CSMD1: variants seen among roughly 807,000 people sequenced by gnomAD.
CSMD1 encodes the protein CUB and sushi domain-containing protein 1.
A neutral mutation model predicts 417.5 loss-of-function variants in CSMD1; 213 were observed. That is an observed-to-expected ratio of 0.51 (90% CI 0.46 to 0.57). The LOEUF (loss-of-function observed/expected upper bound fraction) is 0.57. Ranked by LOEUF, CSMD1 falls within the 20% of genes least tolerant of loss-of-function variation. The pLI is 0.00. For synonymous variants in CSMD1, 2,862 were observed against 1,736.8 expected, an observed-to-expected ratio of 1.65 and a Z score of -16.11; for missense variants, 6,923 against 4,529.7, an observed-to-expected ratio of 1.53 and a Z score of -15.17.
chr8:4,304,813 C>T (rs1798158299), intron 3 of CSMD1, among the ~76,000 whole-genome samples: 1 of 152,324 alleles, frequency 6.6e-6, no homozygotes, highest in East Asian at 1.9e-4. Context: ...TGGTGCAGGT[C>T]ATTCAGAAAA....
At chr8:4,522,853 C>A (rs910322877) in intron 2 of CSMD1, among the ~76,000 whole-genome samples, 1 of 152,146 alleles carries the variant, frequency 6.6e-6, no homozygotes, top group South Asian at 2.1e-4. Flanking sequence ...TTTCAGGGAA[C>A]CATGCCCTGG....
chr8:3,682,289 T>TCA (rs1360033955), intron 7 of CSMD1, among the ~76,000 whole-genome samples: 3 of 152,036 alleles, frequency 2.0e-5, no homozygotes, highest in African/African-American at 7.2e-5. Flanking sequence ...TGCAATCTAC[T>TCA]CATCTGACAA....
At chr8:4,983,003 T>C (rs373959411) in intron 1 of CSMD1, among the ~76,000 whole-genome samples, 4 of 152,208 alleles carry the variant, frequency 2.6e-5, no homozygotes, top group Admixed American at 1.3e-4. Flanking sequence ...AAAATGACAA[T>C]TGAAGGCTGG....
intron 7 of CSMD1, among the ~76,000 whole-genome samples, chr8:3,667,829 G>A (rs958544825): frequency 1.3e-5 from 2 of 152,158 alleles, no homozygotes; most frequent in African/African-American, 2.4e-5. Flanking sequence ...TGAACAGCAG[G>A]CATCCTGGAG....
intron 1 of CSMD1, among the ~76,000 whole-genome samples, chr8:4,644,568 G>C (rs1293277481): frequency 6.6e-6 from 1 of 152,068 alleles, no homozygotes; most frequent in African/African-American, 2.4e-5. Context: ...CACCACACCT[G>C]ACTAATATTT....
At chr8:3,954,419 G>A (rs904737898) in intron 5 of CSMD1, among the ~76,000 whole-genome samples, 1 of 152,116 alleles carries the variant, frequency 6.6e-6, no homozygotes, top group Non-Finnish European at 1.5e-5. Flanking sequence ...CTGGAGTGCA[G>A]TGGCGGTGGT....
chr8:4,837,854 T>C (rs1438039407), intron 1 of CSMD1, among the ~76,000 whole-genome samples: 1 of 152,054 alleles, frequency 6.6e-6, no homozygotes, highest in Non-Finnish European at 1.5e-5. Flanking sequence ...TATCAAAACA[T>C]TTCATGTACC....
chr8:3,704,849 G>C (rs1324726913), intron 7 of CSMD1: 1 of 152,244 alleles, frequency 6.6e-6, no homozygotes, highest in East Asian at 1.9e-4. Context: ...CTGAACTCTT[G>C]CTGATGCCCT....
At chr8:4,787,327 G>C (rs959811490) in intron 1 of CSMD1, 1 of 726,410 alleles carries the variant, frequency 1.4e-6, no homozygotes, top group Non-Finnish European at 2.5e-6. Context: ...AGCCCACTCA[G>C]GATAATGGCG....
chr8:4,138,772 A>G (rs969281110), intron 3 of CSMD1, among the ~76,000 whole-genome samples: 13 of 152,352 alleles, frequency 8.5e-5, no homozygotes, highest in Non-Finnish European at 1.6e-4. Flanking sequence ...TTTAATTATC[A>G]GAATACACTA....
intron 3 of CSMD1, among the ~76,000 whole-genome samples, chr8:4,290,779 T>C (rs888505197): frequency 6.6e-6 from 1 of 152,212 alleles, no homozygotes; most frequent in African/African-American, 2.4e-5. Flanking sequence ...GTAAGTCTGA[T>C]TTTTTGGTAA....
intron 3 of CSMD1, among the ~76,000 whole-genome samples, chr8:4,154,228 AG>A (rs1259193991): frequency 6.6e-6 from 1 of 152,140 alleles, no homozygotes; most frequent in African/African-American, 2.4e-5. Context: ...GGTTAGTGTA[AG>A]CATACAATGA....
chr8:4,571,815 AT>A (rs1313613045), intron 2 of CSMD1, among the ~76,000 whole-genome samples: 2 of 152,124 alleles, frequency 1.3e-5, no homozygotes, highest in Non-Finnish European at 2.9e-5. Context: ...GGGCTTCTAT[AT>A]TGGGTGCATA....
chr8:3,635,698 T>C (rs1797004116), intron 7 of CSMD1, among the ~76,000 whole-genome samples: 2 of 148,796 alleles, frequency 1.3e-5, no homozygotes, highest in South Asian at 2.1e-4. Flanking sequence ...TTAGCCAGGA[T>C]GGTCTCAATC....
At chr8:3,786,769 G>C (rs186417714) in intron 5 of CSMD1, among the ~76,000 whole-genome samples, 1 of 152,182 alleles carries the variant, frequency 6.6e-6, no homozygotes, top group Non-Finnish European at 1.5e-5. Context: ...AGCTCACAGA[G>C]GGCTATCTTC....
At position 4,212,116 on chromosome 8, in the gene CSMD1, C is replaced by T. The variant is rs185801385; in HGVS notation, c.416-180017G>A. Among the ~76,000 whole-genome samples the T allele has an allele frequency of 1.7e-3, 252 of 151,454 alleles. 1 individual carries two copies. Among genetic ancestry groups the T allele is most frequent in the African/African-American group, 5.8e-3 (239 of 41,350 alleles). ...AACGTAAAAGTCATGATTTCAAAGA[C>T]CATGTAGGAGAAGAAGTGTCCTTTA... On this transcript the variant is annotated intron_variant, in intron 3 of 69. Transcript: ENST00000635120.
intron 21 of CSMD1, among the ~76,000 whole-genome samples, chr8:3,348,469 G>A (rs1808164323): frequency 6.6e-6 from 1 of 152,100 alleles, no homozygotes. Flanking sequence ...ATGGCTCACT[G>A]GCTGTGTCGT....
intron 5 of CSMD1, among the ~76,000 whole-genome samples, chr8:3,773,657 C>G (rs1170204387): frequency 6.6e-6 from 1 of 152,048 alleles, no homozygotes; most frequent in Non-Finnish European, 1.5e-5. Flanking sequence ...CAATTTTGGC[C>G]TTATTCTCTA....
chr8:3,494,564 A>AGGTAGG (rs1563092014), intron 10 of CSMD1, among the ~76,000 whole-genome samples: 1 of 95,226 alleles, frequency 1.1e-5, no homozygotes, highest in African/African-American at 4.1e-5. Flanking sequence ...TGATAGATAG[A>AGGTAGG]TAGATAGATA....
Sources: allele counts gnomAD v4.1 joint callset (sites outside exome capture counted in the v4.1 genomes callset), GRCh38; gene constraint gnomAD v4.1.1; transcripts MANE v1.5; gene names NCBI Gene and HGNC (gene_info 2026-07-23, HGNC 2026-07-21).